Variants in IL1RAPL1 observed in about 807,000 individuals in gnomAD.
The protein encoded by IL1RAPL1 is interleukin-1 receptor accessory protein-like 1.
IL1RAPL1 carries 3 observed loss-of-function variants against 48.4 expected under a neutral mutation model. That is an observed-to-expected ratio of 0.06 (90% confidence interval 0.03 to 0.16). The LOEUF (loss-of-function observed/expected upper bound fraction) is 0.16, where lower values mean the gene tolerates loss of function less well. Among genes scored for constraint, IL1RAPL1 ranks in the 10% least tolerant of loss-of-function variants. The pLI is 1.00. For missense variants in IL1RAPL1, 349 were observed against 530.6 expected (o/e 0.66, Z 3.36); for synonymous variants, 185 against 187.7 (o/e 0.99, Z 0.12).
intron 5 of IL1RAPL1, among the ~76,000 whole-genome samples, chrX:29,514,240 A>C (rs1338818742): frequency 1.8e-5 from 2 of 111,741 alleles, no homozygotes; most frequent in South Asian, 3.7e-4. Flanking sequence ...TGAAATATAA[A>C]ATATTTGTCC....
intron 2 of IL1RAPL1, among the ~76,000 whole-genome samples, chrX:28,936,959 A>T (rs1023706800): frequency 2.7e-5 from 3 of 110,905 alleles, no homozygotes; most frequent in Non-Finnish European, 5.7e-5. Flanking sequence ...GGTTTTACAT[A>T]TTTTTTCCTT....
intron 1 of IL1RAPL1, among the ~76,000 whole-genome samples, chrX:28,763,858 T>C (rs1446731064): frequency 1.8e-5 from 2 of 111,138 alleles, no homozygotes; most frequent in Non-Finnish European, 3.8e-5. Context: ...AGCAATCTGT[T>C]CAACACCAGA....
At chrX:29,785,658 A>G (rs1391808965) in intron 6 of IL1RAPL1, among the ~76,000 whole-genome samples, 1 of 112,113 alleles carries the variant, frequency 8.9e-6, no homozygotes, top group Non-Finnish European at 1.9e-5. Context: ...CTCGAAATGA[A>G]TAAAACGTGC....
intron 3 of IL1RAPL1, among the ~76,000 whole-genome samples, chrX:29,386,714 T>C (rs1054377037): frequency 4.9e-5 from 5 of 102,559 alleles, no homozygotes; most frequent in African/African-American, 1.5e-4. Context: ...GGCTAATTTT[T>C]CTATTTTTTG....
chrX:28,953,220 A>G (rs1261191564), intron 2 of IL1RAPL1, among the ~76,000 whole-genome samples: 3 of 111,566 alleles, frequency 2.7e-5, no homozygotes, highest in Non-Finnish European at 3.8e-5. Flanking sequence ...TTTGTGTGCA[A>G]AATTTCAGCT....
chrX:29,877,300 G>A (rs1007139891), intron 6 of IL1RAPL1, among the ~76,000 whole-genome samples: 1 of 110,990 alleles, frequency 9.0e-6, no homozygotes, highest in African/African-American at 3.3e-5. Flanking sequence ...TTTAAAATTG[G>A]GGATCTCAGA....
At chrX:29,027,674 G>A (rs1318194536) in intron 2 of IL1RAPL1, among the ~76,000 whole-genome samples, 1 of 111,502 alleles carries the variant, frequency 9.0e-6, no homozygotes, top group Non-Finnish European at 1.9e-5. Flanking sequence ...TAGAGTTCCT[G>A]TTGCTTTACA....
Position 28,882,418 on chromosome X carries a change from G to A in IL1RAPL1, c.82+92993G>A, listed in dbSNP as rs763901912. 4.5e-4 allele frequency among the ~76,000 whole-genome samples: 50 copies of A among 111,905 alleles called. No homozygotes were observed. In the East Asian group the frequency reaches 8.2e-3, roughly 18 times the overall value. On this transcript the variant is annotated intron_variant, in intron 2 of 10. Coordinates refer to ENST00000378993, the MANE Select transcript of IL1RAPL1 (RefSeq NM_014271.4). ...CCAGCTTTGGGAGGCTGAGGTGGGC[G>A]GATCACTTGAGGTCAGGAGTTTGAG...
intron 8 of IL1RAPL1, among the ~76,000 whole-genome samples, chrX:29,928,403 C>T (rs772025519): frequency 8.1e-5 from 9 of 111,790 alleles, no homozygotes; most frequent in Non-Finnish European, 1.5e-4. Flanking sequence ...CCTCACTCCT[C>T]CTTCTCAGAA....
At chrX:29,759,347 A>G (rs1928699507) in intron 6 of IL1RAPL1, among the ~76,000 whole-genome samples, 1 of 112,094 alleles carries the variant, frequency 8.9e-6, no homozygotes, top group Non-Finnish European at 1.9e-5. Context: ...TAATGACAAC[A>G]CTGCGTTTTC....
chrX:28,784,249 A>G (rs1222433664), intron 1 of IL1RAPL1, among the ~76,000 whole-genome samples: 1 of 112,042 alleles, frequency 8.9e-6, no homozygotes, highest in Non-Finnish European at 1.9e-5. Flanking sequence ...AAAATACTTT[A>G]TCCGTGTCAG....
At chrX:28,960,639 T>G (rs960276744) in intron 2 of IL1RAPL1, among the ~76,000 whole-genome samples, 9 of 111,787 alleles carry the variant, frequency 8.1e-5, no homozygotes, top group Admixed American at 6.7e-4. Flanking sequence ...TGCTACACAT[T>G]GCTAGAGTTC....
intron 5 of IL1RAPL1, among the ~76,000 whole-genome samples, chrX:29,498,729 A>G (rs1314252738): frequency 9.0e-6 from 1 of 111,494 alleles, no homozygotes; most frequent in Non-Finnish European, 1.9e-5. Flanking sequence ...ACACCATACC[A>G]TTCTGTCCCA....
At chrX:29,356,124 A>G (rs2147656116) in intron 3 of IL1RAPL1, among the ~76,000 whole-genome samples, 1 of 111,467 alleles carries the variant, frequency 9.0e-6, no homozygotes, top group South Asian at 3.7e-4. Context: ...TTATGTATAT[A>G]TGTATTCATG....
chrX:29,851,946 T>C (rs993954795), intron 6 of IL1RAPL1, among the ~76,000 whole-genome samples: 16 of 112,955 alleles, frequency 1.4e-4, no homozygotes, highest in Admixed American at 9.3e-5. Flanking sequence ...GAATAGCAAG[T>C]TATTCTTAAA....
intron 5 of IL1RAPL1, among the ~76,000 whole-genome samples, chrX:29,529,159 G>T (rs767744787): frequency 2.7e-5 from 3 of 111,319 alleles, no homozygotes; most frequent in Non-Finnish European, 5.7e-5. Flanking sequence ...AATGAGAAGG[G>T]ATTCCAGATT....
At chrX:29,680,743 C>T (rs900555926) in intron 6 of IL1RAPL1, among the ~76,000 whole-genome samples, 4 of 111,642 alleles carry the variant, frequency 3.6e-5, no homozygotes, top group Non-Finnish European at 7.5e-5. Flanking sequence ...GTAGAATGAC[C>T]CATCCTGATT....
intron 2 of IL1RAPL1, among the ~76,000 whole-genome samples, chrX:29,006,506 C>T (rs757841809): frequency 1.8e-4 from 19 of 104,683 alleles, no homozygotes; most frequent in Admixed American, 1.8e-3. Flanking sequence ...AAGAGCAAAA[C>T]GCCGTCTGGA....
chrX:29,609,344 G>C (rs1186643720), intron 5 of IL1RAPL1, among the ~76,000 whole-genome samples: 1 of 112,349 alleles, frequency 8.9e-6, no homozygotes, highest in Non-Finnish European at 1.9e-5. Context: ...GGCATTGAGT[G>C]TTCTCTATAA....
Sources: allele counts gnomAD v4.1 joint callset (sites outside exome capture counted in the v4.1 genomes callset), GRCh38; gene constraint gnomAD v4.1.1; transcripts MANE v1.5; gene names NCBI Gene and HGNC (gene_info 2026-07-23, HGNC 2026-07-21).